CCDC7: variants seen among roughly 807,000 people sequenced by gnomAD.
CCDC7 encodes coiled-coil domain-containing protein 7.
A neutral mutation model predicts 196.9 loss-of-function variants in CCDC7; 183 were observed. The ratio of observed to expected loss-of-function variants is 0.93; its 90% CI spans 0.82 to 1.05. CCDC7 has a LOEUF of 1.05. CCDC7 is among the 50% of genes least tolerant of loss of function. The probability of loss-of-function intolerance (pLI) is 0.00; values close to 1 mark genes in which losing one functional copy is unlikely to be tolerated. For synonymous variants in CCDC7, 525 were observed against 484.6 expected (o/e 1.08, Z -1.10); for missense variants, 1,540 against 1,482.2 (o/e 1.04, Z -0.64).
chr10:32,628,048 C>A lies in CCDC7; in HGVS notation c.1802-6206C>A, dbSNP rs534508028. 3.3e-5 allele frequency among the ~76,000 whole-genome samples: 5 copies of A among 151,692 alleles called. 1 individual carries two copies. In the South Asian group the frequency reaches 1.0e-3, roughly 32 times the overall value. On this transcript the variant is annotated intron_variant, in intron 18 of 41. Transcript: ENST00000639629. ...CTAGTAAACCAAAATTGGAAGTATTCCCTCATTTTCAATTTTTTAGAACAG... is the reference window on the plus strand; with the variant it reads ...CTAGTAAACCAAAATTGGAAGTATTACCTCATTTTCAATTTTTTAGAACAG...
chr10:32,865,958 A>G (rs2504006), intron 41 of CCDC7, among the ~76,000 whole-genome samples: 52,159 of 151,626 alleles, frequency 0.34, 11,324 homozygotes, highest in Non-Finnish European at 0.49. Context: ...AAATATCTGC[A>G]TGAACCCACA....
intron 29 of CCDC7, among the ~76,000 whole-genome samples, chr10:32,782,218 GT>G (rs1267525298): frequency 2.5e-4 from 24 of 96,330 alleles, no homozygotes; most frequent in African/African-American, 5.0e-4. Flanking sequence ...AAGATAACTT[GT>G]TTTTTTTTTG....
At chr10:32,815,600 A>G (rs971375865) in intron 31 of CCDC7, among the ~76,000 whole-genome samples, 1 of 152,208 alleles carries the variant, frequency 6.6e-6, no homozygotes, top group Non-Finnish European at 1.5e-5. Flanking sequence ...AATTGGCTGA[A>G]TACTTTGAAA....
chr10:32,815,907 C>A (rs751844847), intron 31 of CCDC7, among the ~76,000 whole-genome samples: 1 of 152,190 alleles, frequency 6.6e-6, no homozygotes, highest in African/African-American at 2.4e-5. Context: ...CAGTCCACAG[C>A]TCCCAGTGTG....
downstream of CCDC7, among the ~76,000 whole-genome samples, chr10:32,882,066 A>G (rs2094810808): frequency 6.6e-6 from 1 of 152,218 alleles, no homozygotes; most frequent in Non-Finnish European, 1.5e-5. Flanking sequence ...AGCCAGTCTC[A>G]TAATGCTAAA....
At chr10:32,689,759 C>T (rs1007401311) in intron 23 of CCDC7, among the ~76,000 whole-genome samples, 4 of 151,486 alleles carry the variant, frequency 2.6e-5, no homozygotes, top group African/African-American at 4.9e-5. Context: ...TTTTGAGACA[C>T]GGTCTCACTT....
chr10:32,601,366 C>T (rs1321582110), intron 18 of CCDC7, among the ~76,000 whole-genome samples: 5 of 152,308 alleles, frequency 3.3e-5, no homozygotes, highest in East Asian at 3.9e-4. Context: ...CTACCACACC[C>T]GGCCCTAAGT....
At chr10:32,678,657 C>A (rs1265020713) in intron 21 of CCDC7, among the ~76,000 whole-genome samples, 1 of 152,140 alleles carries the variant, frequency 6.6e-6, no homozygotes. Flanking sequence ...ATAAGTAGGC[C>A]TCTCAGGTTA....
chr10:32,676,833 C>G (rs1057362798), intron 21 of CCDC7, among the ~76,000 whole-genome samples: 7 of 152,230 alleles, frequency 4.6e-5, no homozygotes, highest in Middle Eastern at 3.4e-3. Context: ...GGATCTAGAA[C>G]TAGAAATACC....
intron 18 of CCDC7, among the ~76,000 whole-genome samples, chr10:32,632,476 A>G (rs1179665309): frequency 1.3e-5 from 2 of 151,284 alleles, no homozygotes; most frequent in South Asian, 2.1e-4. Context: ...AAATAAATAT[A>G]TATATTCTTT....
chr10:32,725,428 G>GT (rs772940442), intron 25 of CCDC7: 6 of 380,610 alleles, frequency 1.6e-5, no homozygotes, highest in Non-Finnish European at 2.2e-5. Context: ...ATTAGTACTT[G>GT]TTTTTTTGTT....
At chr10:32,698,253 G>A (rs140882954) in intron 24 of CCDC7, among the ~76,000 whole-genome samples, 8,088 of 152,250 alleles carry the variant, frequency 0.053, 719 homozygotes, top group African/African-American at 0.18. Flanking sequence ...AGAAACCAGA[G>A]CAGAAAAGTT....
chr10:32,504,260 G>C (rs2044533729), intron 9 of CCDC7, among the ~76,000 whole-genome samples: 1 of 151,742 alleles, frequency 6.6e-6, no homozygotes, highest in Admixed American at 6.6e-5. Context: ...GAGACTACAG[G>C]TGCCTGCCAC....
chr10:32,662,025 C>T (rs2071577864), intron 20 of CCDC7, among the ~76,000 whole-genome samples: 1 of 152,050 alleles, frequency 6.6e-6, no homozygotes, highest in African/African-American at 2.4e-5. Flanking sequence ...TAAGGCTTGC[C>T]AGAACTCAAG....
At chr10:32,631,562 A>G (rs1012770831) in intron 18 of CCDC7, among the ~76,000 whole-genome samples, 2 of 151,908 alleles carry the variant, frequency 1.3e-5, no homozygotes, top group African/African-American at 4.8e-5. Context: ...TTTTGTACCA[A>G]GTTTTTAAAT....
intron 11 of CCDC7, among the ~76,000 whole-genome samples, chr10:32,541,479 G>T (rs921739373): frequency 6.6e-6 from 1 of 152,234 alleles, no homozygotes; most frequent in African/African-American, 2.4e-5. Context: ...GGACTGCTGG[G>T]CTGGAAGCTC....
At chr10:32,856,391 T>C (rs2093753879) in intron 41 of CCDC7, among the ~76,000 whole-genome samples, 1 of 152,150 alleles carries the variant, frequency 6.6e-6, no homozygotes, top group South Asian at 2.1e-4. Context: ...AATTTTAAAA[T>C]GGGCATAGGC....
chr10:32,784,761 G>A (rs1021330618), intron 29 of CCDC7, among the ~76,000 whole-genome samples: 3 of 152,108 alleles, frequency 2.0e-5, no homozygotes, highest in Admixed American at 6.5e-5. Flanking sequence ...CAGCACTTTG[G>A]GAGGCTGAGG....
intron 24 of CCDC7, among the ~76,000 whole-genome samples, chr10:32,708,004 G>A (rs536973410): frequency 3.3e-5 from 5 of 152,164 alleles, no homozygotes; most frequent in South Asian, 2.1e-4. Flanking sequence ...AAAAGAGCCC[G>A]CATCGCCGAG....
Sources: gnomAD v4.1 joint callset for allele counts (sites outside exome capture counted in the v4.1 genomes callset) on GRCh38, gnomAD v4.1.1 for gene constraint, MANE v1.5 for transcripts, NCBI Gene and HGNC (gene_info 2026-07-23, HGNC 2026-07-21) for gene names.